Variants in NALCN observed in about 807,000 individuals in gnomAD.
The protein encoded by NALCN is sodium leak channel NALCN.
Under a neutral mutation model 225.3 loss-of-function variants are expected in NALCN, and 111 were observed. The ratio of observed to expected loss-of-function variants is 0.49; its 90% CI spans 0.42 to 0.58. NALCN has a LOEUF of 0.58. Ranked by LOEUF, NALCN falls within the 20% of genes least tolerant of loss-of-function variation. NALCN has a pLI of 0.00. For missense variants in NALCN, 1,378 were observed against 2,202.4 expected (o/e 0.63, Z 7.49); for synonymous variants, 764 against 769.0 (o/e 0.99, Z 0.11).
Position 101,292,092 on chromosome 13 carries a change from G to A in NALCN, c.945C>T (p.Asn315=), listed in dbSNP as rs761273502. The A allele has an allele frequency of 7.4e-6, 12 of 1,613,712 alleles. No individual in the cohort carries two copies. Among genetic ancestry groups the A allele is most frequent in the African/African-American group, 1.3e-5 (1 of 74,874 alleles). ...TTTCAATGATAACAGCAATAAACAC[G>A]TTCTGAAAAAAATCACAAACCACAT... ...LIFFLAWLVK[N]VFIAVIIETF... The change falls in exon 9 of 44, where the codon AAC becomes AAT. Residue 315 remains asparagine (N), a splice_region_variant and synonymous_variant. Coordinates refer to ENST00000251127, the MANE Select transcript of NALCN (RefSeq NM_052867.4). This position sits in a 1 kb window ranked among gnomAD's most constrained non-coding sequence, Gnocchi z 4.3.
At chr13:101,397,188 TACAC>T (rs1286798274) in intron 2 of NALCN, among the ~76,000 whole-genome samples, 4 of 147,590 alleles carry the variant, frequency 2.7e-5, no homozygotes, top group African/African-American at 9.9e-5. Flanking sequence ...TTCATGTAAA[TACAC>T]ATACATGTAA....
chr13:101,228,965 T>C (rs2041247680), intron 13 of NALCN, among the ~76,000 whole-genome samples: 1 of 152,190 alleles, frequency 6.6e-6, no homozygotes, highest in South Asian at 2.1e-4. Context: ...CTGAAGAGCC[T>C]ATGAATTTTA....
Position 101,207,926 on chromosome 13 carries a change from G to A in NALCN, c.1627-15872C>T, listed in dbSNP as rs144039073. 4.2e-3 allele frequency among the ~76,000 whole-genome samples: 641 copies of A among 152,062 alleles called. 3 individuals are homozygous for A. Among genetic ancestry groups the A allele is most frequent in the African/African-American group, 0.014 (561 of 41,494 alleles). ...TGCAACACTCACCGCAAAGGTCTGC[G>A]GCTTCACTCCTGAAGCCAGCGAGAC... On this transcript the variant is annotated intron_variant, in intron 13 of 43. Transcript: ENST00000251127.
At chr13:101,202,455 A>G (rs2140044651) in intron 13 of NALCN, among the ~76,000 whole-genome samples, 1 of 152,330 alleles carries the variant, frequency 6.6e-6, no homozygotes. Flanking sequence ...GTATAAATAT[A>G]GTACTGTTGG....
At chr13:101,162,285 G>C (rs972110201) in intron 15 of NALCN, among the ~76,000 whole-genome samples, 1 of 152,226 alleles carries the variant, frequency 6.6e-6, no homozygotes, top group African/African-American at 2.4e-5. Context: ...CTCCATGGGA[G>C]CAAAGAACTT....
intron 34 of NALCN, among the ~76,000 whole-genome samples, chr13:101,080,609 A>G (rs1017678529): frequency 7.9e-6 from 1 of 126,396 alleles, no homozygotes; most frequent in Non-Finnish European, 1.8e-5. Context: ...AATTAATTAT[A>G]TAATCAATTA....
chr13:101,228,274 G>T (rs573630895), intron 13 of NALCN, among the ~76,000 whole-genome samples: 2 of 152,082 alleles, frequency 1.3e-5, no homozygotes, highest in Non-Finnish European at 2.9e-5. Flanking sequence ...ATAAAGCTAA[G>T]CTATCCATTA....
At chr13:101,288,891 T>C (rs2043441326) in intron 9 of NALCN, among the ~76,000 whole-genome samples, 1 of 152,188 alleles carries the variant, frequency 6.6e-6, no homozygotes. Context: ...TAAGCTCATC[T>C]CCATCATGAG....
At position 101,310,011 on chromosome 13, in the gene NALCN, A is replaced by G. The variant is rs568120316; in HGVS notation, c.800-17645T>C. Among the ~76,000 whole-genome samples, 135 of 152,312 alleles carry G rather than the reference A, an allele frequency of 8.9e-4. No homozygotes were observed. In the Middle Eastern group the frequency reaches 0.01, roughly 12 times the overall value. The stretch of plus-strand genomic sequence containing the variant: ...GAATGATCTTTTCCTTTTAACACAC[A>G]GCCAATCTCTTAGTAAATCCCATAA... On this transcript the variant is annotated intron_variant, in intron 7 of 43. Transcript: ENST00000251127.
At chr13:101,203,777 G>GT (rs1028879304) in intron 13 of NALCN, among the ~76,000 whole-genome samples, 5 of 151,658 alleles carry the variant, frequency 3.3e-5, no homozygotes, top group East Asian at 1.9e-4. Flanking sequence ...GGAAAATTTT[G>GT]TTTTTTTTAC....
intron 9 of NALCN, among the ~76,000 whole-genome samples, chr13:101,287,527 T>G (rs2043383730): frequency 6.6e-6 from 1 of 152,210 alleles, no homozygotes; most frequent in South Asian, 2.1e-4. Flanking sequence ...GAGACATTAA[T>G]AGTGCCCACT....
chr13:101,268,301 TG>T (rs1190758650), intron 10 of NALCN, among the ~76,000 whole-genome samples: 2 of 152,268 alleles, frequency 1.3e-5, no homozygotes, highest in African/African-American at 4.8e-5. Flanking sequence ...GACTTGAAAT[TG>T]GCCATGGTGG....
intron 7 of NALCN, among the ~76,000 whole-genome samples, chr13:101,293,215 A>G (rs996114719): frequency 1.1e-4 from 17 of 152,186 alleles, no homozygotes; most frequent in Non-Finnish European, 7.3e-5. Context: ...CTGTGATGAT[A>G]TCTTGCCTCT....
intron 34 of NALCN, among the ~76,000 whole-genome samples, chr13:101,078,563 T>G (rs2033416524): frequency 6.6e-6 from 1 of 152,236 alleles, no homozygotes; most frequent in Non-Finnish European, 1.5e-5. Flanking sequence ...CCCTTTGTTT[T>G]GGCCAATTTC....
chr13:101,105,064 C>T (rs551974409), intron 22 of NALCN, 114 bp from the exon 23 acceptor site: 1 of 817,068 alleles, frequency 1.2e-6, no homozygotes, highest in African/African-American at 1.7e-5. Context: ...AGCCTCTCTA[C>T]AATGTCCATT....
intron 3 of NALCN, among the ~76,000 whole-genome samples, chr13:101,393,582 C>T (rs938421821): frequency 4.6e-5 from 7 of 152,082 alleles, no homozygotes; most frequent in Non-Finnish European, 8.8e-5. Flanking sequence ...AGTGGGAGGC[C>T]GAGGCGGGCA....
intron 3 of NALCN, among the ~76,000 whole-genome samples, chr13:101,381,980 A>G (rs539928947): frequency 8.0e-4 from 122 of 152,294 alleles, no homozygotes; most frequent in South Asian, 3.5e-3. Context: ...GCAGAGAACT[A>G]TGTTAAAATT....
At chr13:101,170,864 C>T (rs2038679020) in intron 15 of NALCN, among the ~76,000 whole-genome samples, 1 of 151,714 alleles carries the variant, frequency 6.6e-6, no homozygotes, top group Admixed American at 6.6e-5. Context: ...TGGGTTTTTT[C>T]TTCCCTCAAA....
At chr13:101,209,708 G>A (rs956737430) in intron 13 of NALCN, among the ~76,000 whole-genome samples, 5 of 152,176 alleles carry the variant, frequency 3.3e-5, no homozygotes, top group Non-Finnish European at 5.9e-5. Context: ...CTTCAAGAGA[G>A]TGTTGCCTTT....
Sources: allele counts gnomAD v4.1 joint callset (sites outside exome capture counted in the v4.1 genomes callset), GRCh38; gene constraint gnomAD v4.1.1; non-coding constraint Gnocchi (gnomAD v3.1); transcripts MANE v1.5; gene names NCBI Gene and HGNC (gene_info 2026-07-23, HGNC 2026-07-21).